VAV3: variants seen among roughly 807,000 people sequenced by gnomAD.
VAV3 encodes the protein guanine nucleotide exchange factor VAV3.
A neutral mutation model predicts 131.2 loss-of-function variants in VAV3; 94 were observed. The ratio of observed to expected loss-of-function variants is 0.72; its 90% CI spans 0.61 to 0.85. VAV3 has a LOEUF of 0.85. VAV3 is among the 40% of genes least tolerant of loss of function. The pLI is 0.00. For synonymous variants in VAV3, 349 were observed against 342.0 expected, an observed-to-expected ratio of 1.02 and a Z score of -0.22; for missense variants, 939 against 1,002.7, an observed-to-expected ratio of 0.94 and a Z score of 0.86.
chr1:107,578,197 TTAA>T (rs1327558449), intron 25 of VAV3, among the ~76,000 whole-genome samples: 3 of 152,230 alleles, frequency 2.0e-5, no homozygotes, highest in Non-Finnish European at 4.4e-5. Context: ...CACTGATGCA[TTAA>T]TGACAGACTT....
chr1:107,897,721 T>C (rs1037654204), intron 1 of VAV3, among the ~76,000 whole-genome samples: 1 of 152,126 alleles, frequency 6.6e-6, no homozygotes, highest in African/African-American at 2.4e-5. Context: ...GACAGCATGC[T>C]GGTACTTCCT....
intron 2 of VAV3, among the ~76,000 whole-genome samples, chr1:107,782,623 A>G (rs1035679257): frequency 6.6e-5 from 10 of 152,234 alleles, no homozygotes; most frequent in East Asian, 1.9e-4. Context: ...ACTGGCACTC[A>G]GTTTTGTGTC....
At chr1:107,790,486 T>A (rs185942694) in intron 2 of VAV3, among the ~76,000 whole-genome samples, 60 of 152,290 alleles carry the variant, frequency 3.9e-4, no homozygotes, top group Admixed American at 1.4e-3. Context: ...TACAGAGGAA[T>A]GGCACACAGT....
At chr1:107,734,557 A>G (rs1332584080) in intron 15 of VAV3, among the ~76,000 whole-genome samples, 1 of 152,226 alleles carries the variant, frequency 6.6e-6, no homozygotes, top group Admixed American at 6.5e-5. Flanking sequence ...AGGCCTTGCA[A>G]TCCTAGTCTC....
Position 107,603,045 on chromosome 1 carries a change from A to T in VAV3, c.2132+2T>A. 1 of 1,602,946 alleles carries T rather than the reference A, an allele frequency of 6.2e-7. No homozygotes were observed. The highest frequency in any genetic ancestry group is 1.1e-5 in the South Asian group (1 of 90,666). On this transcript the variant is annotated splice_donor_variant, in intron 23 of 26. Coordinates refer to ENST00000370056, the MANE Select transcript of VAV3 (RefSeq NM_006113.5). LOFTEE classifies it high-confidence loss of function. ...TTCTGTAAAAGTACTTGTCCTACTT[A>T]CTTAATGCTAATTGCATATTCTCCT...
At chr1:107,588,439 A>G (rs1160550585) in intron 25 of VAV3, among the ~76,000 whole-genome samples, 1 of 152,204 alleles carries the variant, frequency 6.6e-6, no homozygotes, top group Non-Finnish European at 1.5e-5. Context: ...GGCTAATGTA[A>G]CACTTCACAC....
intron 15 of VAV3, among the ~76,000 whole-genome samples, chr1:107,723,515 C>A (rs543828636): frequency 4.5e-4 from 68 of 152,206 alleles, no homozygotes; most frequent in African/African-American, 1.5e-3. Context: ...CCATCTGGGC[C>A]TGGCTGCTTG....
Position 107,885,429 on chromosome 1 carries a change from T to TA in VAV3, c.205-10413dup, listed in dbSNP as rs558858218. Among the ~76,000 whole-genome samples, 711 of 144,652 alleles carry TA rather than the reference T, an allele frequency of 4.9e-3. 2 individuals carry two copies. The highest frequency in any genetic ancestry group is 0.014 in the African/African-American group (548 of 39,422). The allele number at this position is 144,652 out of a possible 152,430, so 94.9% of individuals were successfully genotyped here. ...AACTTATTTTAAAAGTACCAACAGT[T>TA]AAAAAAAAAAGAAAAGAAAAATACA... is the stretch of plus-strand genomic sequence containing the variant. On this transcript the variant is annotated intron_variant, in intron 1 of 26. Transcript: ENST00000370056.
In VAV3 at chr1:107,832,773, C is replaced by T. The variant is rs182127787; in HGVS notation, c.321+42128G>A. On this transcript the variant is annotated intron_variant, in intron 2 of 26. Transcript: ENST00000370056. ...GCTATGGAAATTTTAAAAACAGTAA[C>T]GCTGTAGAAAATGTAAGCCATTGAT... 4.3e-3 allele frequency among the ~76,000 whole-genome samples: 654 copies of T among 152,186 alleles called. 5 individuals carry two copies. The highest frequency in any genetic ancestry group is 4.0e-3 in the Non-Finnish European group (274 of 68,002).
chr1:107,834,914 A>AC (rs1008913058), intron 2 of VAV3, among the ~76,000 whole-genome samples: 1 of 152,026 alleles, frequency 6.6e-6, no homozygotes, highest in Non-Finnish European at 1.5e-5. Context: ...AGATCCCATG[A>AC]CCCCCACAGG....
At position 107,657,067 on chromosome 1, in the gene VAV3, G is replaced by C. The variant is rs373814467; in HGVS notation, c.1778-14312C>G. Among the ~76,000 whole-genome samples the C allele has an allele frequency of 2.0e-5, 3 of 147,326 alleles. No homozygotes were observed. In the East Asian group the frequency reaches 6.1e-4, roughly 30 times the overall value. On this transcript the variant is annotated intron_variant, in intron 19 of 26. Transcript: ENST00000370056. The stretch of plus-strand genomic sequence containing the variant: ...CTCCCGGGTTCAAAGCAATTGTCCT[G>C]TCTCAGCCTCCGAAGTAGCTGGGAT...
chr1:107,952,733 G>A (rs1278751838), intron 1 of VAV3, among the ~76,000 whole-genome samples: 3 of 151,898 alleles, frequency 2.0e-5, no homozygotes, highest in Non-Finnish European at 4.4e-5. Context: ...GTACTGTATA[G>A]ACTAAAAGCA....
At chr1:107,925,252 T>G (rs914607585) in intron 1 of VAV3, among the ~76,000 whole-genome samples, 1 of 152,128 alleles carries the variant, frequency 6.6e-6, no homozygotes, top group East Asian at 1.9e-4. Context: ...GATTCTAGGG[T>G]GCTGGTAATA....
chr1:107,645,756 G>A (rs1358566555), intron 19 of VAV3, among the ~76,000 whole-genome samples: 1 of 151,992 alleles, frequency 6.6e-6, no homozygotes. Context: ...GATCAAGAAC[G>A]GAGAATAAAT....
chr1:107,926,518 T>C (rs537279847), intron 1 of VAV3, among the ~76,000 whole-genome samples: 1 of 152,216 alleles, frequency 6.6e-6, no homozygotes, highest in South Asian at 2.1e-4. Context: ...TTTAACTTCA[T>C]CACTGAAAGC....
intron 2 of VAV3, among the ~76,000 whole-genome samples, chr1:107,787,433 G>A (rs1485059506): frequency 6.6e-6 from 1 of 152,200 alleles, no homozygotes; most frequent in East Asian, 1.9e-4. Flanking sequence ...CTGAAGCCCA[G>A]GGGAGACAGC....
At chr1:107,618,625 A>G (rs939343483) in intron 20 of VAV3, among the ~76,000 whole-genome samples, 8 of 152,208 alleles carry the variant, frequency 5.3e-5, no homozygotes, top group African/African-American at 4.8e-5. Context: ...AATCCTTGCT[A>G]TGATCCTTTA....
intron 1 of VAV3, among the ~76,000 whole-genome samples, chr1:107,949,337 G>A (rs977130888): frequency 1.3e-5 from 2 of 151,568 alleles, no homozygotes; most frequent in African/African-American, 2.4e-5. Flanking sequence ...TTGAGACAGG[G>A]TCTTGCTTTG....
intron 1 of VAV3, among the ~76,000 whole-genome samples, chr1:107,924,709 C>T (rs1011842574): frequency 6.6e-6 from 1 of 152,162 alleles, no homozygotes; most frequent in Admixed American, 6.5e-5. Context: ...AAAGTTGATG[C>T]TATGGTGAAA....
Sources: gnomAD v4.1 joint callset for allele counts (sites outside exome capture counted in the v4.1 genomes callset) on GRCh38, gnomAD v4.1.1 for gene constraint, MANE v1.5 for transcripts, NCBI Gene and HGNC (gene_info 2026-07-23, HGNC 2026-07-21) for gene names.